ELOC: variants seen among roughly 807,000 people sequenced by gnomAD.
The protein encoded by ELOC is elongin C.
For missense variants in ELOC, 38 were observed against 139.0 expected (o/e 0.27, Z 3.65); for synonymous variants, 40 against 51.3 (o/e 0.78, Z 0.94).
At position 73,956,058 on chromosome 8, in the gene ELOC, A is replaced by G; in HGVS notation, c.5-4T>C. ...CCATAGGTTTTCTCCTCTCCATCTAAAGTAAAGTAAGTAGTGAAACAATTT... is the reference window on the plus strand; with the variant it reads ...CCATAGGTTTTCTCCTCTCCATCTAGAGTAAAGTAAGTAGTGAAACAATTT... On this transcript the variant is annotated splice_polypyrimidine_tract_variant and splice_region_variant and intron_variant, in intron 2 of 3. Transcript: ENST00000520242. 6.2e-7 allele frequency: 1 copy of G among 1,608,920 alleles called. No homozygotes were observed. The highest frequency in any genetic ancestry group is 8.5e-7 in the Non-Finnish European group (1 of 1,176,340).
chr8:73,949,838 CTCTT>C (rs1436368648), intron 3 of ELOC, among the ~76,000 whole-genome samples: 5 of 152,222 alleles, frequency 3.3e-5, no homozygotes, highest in South Asian at 2.1e-4. Context: ...AAAGCAAAAG[CTCTT>C]TGTTTCTAGC....
rs1407237828 is a variant in ELOC at position 73,946,094 on chromosome 8, TAC to T, written c.*534_*535del. 1 of 152,040 alleles carries T rather than the reference TAC, an allele frequency of 6.6e-6. No homozygotes were observed. Among genetic ancestry groups the T allele is most frequent in the African/African-American group, 2.4e-5 (1 of 41,294 alleles). The allele number at this position is 152,040 out of a possible 1,614,324, so 9.4% of individuals were successfully genotyped here. ...TGTAGCAATAAACAAAAGGACAAAG[TAC>T]ACTTAAAGAATACTGCAGTTTATCA... On this transcript the variant is annotated 3_prime_UTR_variant, in exon 4 of 4. Transcript: ENST00000520242.
intron 1 of ELOC, among the ~76,000 whole-genome samples, chr8:73,967,967 G>A (rs181943212): frequency 1.9e-3 from 283 of 152,276 alleles, no homozygotes; most frequent in African/African-American, 6.0e-3. Flanking sequence ...CAGATAAGCA[G>A]TAGAATCCCA....
At chr8:73,950,560 A>G (rs1813687261) in intron 3 of ELOC, among the ~76,000 whole-genome samples, 2 of 152,178 alleles carry the variant, frequency 1.3e-5, no homozygotes. Flanking sequence ...TTGTAATCTC[A>G]AAGTAAATCT....
intron 1 of ELOC, among the ~76,000 whole-genome samples, chr8:73,961,203 T>A (rs1814568312): frequency 6.6e-6 from 1 of 152,188 alleles, no homozygotes; most frequent in Non-Finnish European, 1.5e-5. Flanking sequence ...ATTCAGGGGA[T>A]CTCATTTATA....
At chr8:73,957,105 G>A (rs1197271123) in intron 2 of ELOC, among the ~76,000 whole-genome samples, 3 of 151,828 alleles carry the variant, frequency 2.0e-5, no homozygotes, top group South Asian at 2.1e-4. Flanking sequence ...CACAGGAGGC[G>A]GAGCTTGCAG....
chr8:73,947,467 AG>A (rs1477399792), intron 3 of ELOC, among the ~76,000 whole-genome samples: 1 of 152,210 alleles, frequency 6.6e-6, no homozygotes, highest in Non-Finnish European at 1.5e-5. Flanking sequence ...CAAGCCATCT[AG>A]GGGTGGTACT....
rs1813766225 is a variant in ELOC, at chr8:73,951,647, C to CAACA, written c.148+4263_148+4264insTGTT. 4.9e-4 allele frequency among the ~76,000 whole-genome samples: 73 copies of CAACA among 149,918 alleles called. 1 individual carries two copies. Among genetic ancestry groups the CAACA allele is most frequent in the African/African-American group, 1.4e-3 (55 of 40,708 alleles). ...TCAAAAACAAACAAACAAAAAACCCCACAACAACAACAACAACAACAACAA... is the reference window on the plus strand; with the variant it reads ...TCAAAAACAAACAAACAAAAAACCCCAACAACAACAACAACAACAACAACAACAA... On this transcript the variant is annotated intron_variant, in intron 3 of 3. Transcript: ENST00000520242.
chr8:73,971,200 G>C (rs1301845875), intron 1 of ELOC, among the ~76,000 whole-genome samples: 4 of 152,156 alleles, frequency 2.6e-5, no homozygotes, highest in Non-Finnish European at 5.9e-5. Flanking sequence ...GAGGTCAGGA[G>C]TTCCAGACCA....
At chr8:73,956,088 G>C in intron 2 of ELOC, 34 bp from the exon 3 acceptor site, 1 of 1,598,020 alleles carries the variant, frequency 6.3e-7, no homozygotes, top group Non-Finnish European at 8.6e-7. Context: ...CAATTTTTGA[G>C]TCACACAGTG....
chr8:73,963,849 T>A (rs1043740750), intron 1 of ELOC, among the ~76,000 whole-genome samples: 1 of 152,156 alleles, frequency 6.6e-6, no homozygotes, highest in Non-Finnish European at 1.5e-5. Flanking sequence ...TCCCAGCACT[T>A]TGGGAGGCCG....
intron 1 of ELOC, among the ~76,000 whole-genome samples, chr8:73,964,023 G>A (rs1198023674): frequency 6.7e-6 from 1 of 149,528 alleles, no homozygotes; most frequent in Non-Finnish European, 1.5e-5. Flanking sequence ...AACCCAGGAG[G>A]CGGAGGTTGC....
chr8:73,955,810 G>C, intron 3 of ELOC, 101 bp downstream of exon 3: 1 of 1,257,800 alleles, frequency 8.0e-7, no homozygotes, highest in Non-Finnish European at 1.1e-6. Flanking sequence ...AATGTTAGAA[G>C]ACTTATTTTC....
intron 1 of ELOC, among the ~76,000 whole-genome samples, chr8:73,965,011 G>GT (rs1211437327): frequency 8.7e-6 from 1 of 114,736 alleles, no homozygotes; most frequent in Non-Finnish European, 1.7e-5. Flanking sequence ...CTGAGCAAGA[G>GT]TAAGACACTG....
At chr8:73,967,477 T>TC (rs1815072349) in intron 1 of ELOC, among the ~76,000 whole-genome samples, 1 of 151,040 alleles carries the variant, frequency 6.6e-6, no homozygotes. Context: ...TCTTTTTTTT[T>TC]TTTTTTTGAG....
chr8:73,946,835 A>C lies in ELOC; in HGVS notation c.149-15T>G. 6.2e-7 allele frequency: 1 copy of C among 1,602,734 alleles called. No homozygotes were observed. The highest frequency in any genetic ancestry group is 8.5e-7 in the Non-Finnish European group (1 of 1,172,290). On this transcript the variant is annotated splice_polypyrimidine_tract_variant and intron_variant, in intron 3 of 3. Coordinates refer to ENST00000520242, the MANE Select transcript of ELOC (RefSeq NM_005648.4). The stretch of plus-strand genomic sequence containing the variant: ...AGCAAACTGACCTGTAAAACAAAAG[A>C]ATTATGTATGTTATTGGCTGAATTG...
chr8:73,956,836 TGGTTAAAAATAATGATCAA>T (rs2131119020), intron 2 of ELOC, among the ~76,000 whole-genome samples: 1 of 152,266 alleles, frequency 6.6e-6, no homozygotes, highest in East Asian at 1.9e-4. Context: ...TCACACTTGA[TGGTTAAAAATAATGATCAA>T]GTATGTATTT....
chr8:73,969,384 A>G (rs190736200), intron 1 of ELOC, among the ~76,000 whole-genome samples: 1 of 152,266 alleles, frequency 6.6e-6, no homozygotes, highest in East Asian at 1.9e-4. Context: ...TCCAAATCAG[A>G]CTACTACTCA....
intron 3 of ELOC, among the ~76,000 whole-genome samples, chr8:73,947,302 G>A (rs987953266): frequency 5.9e-5 from 9 of 151,992 alleles, no homozygotes; most frequent in East Asian, 5.9e-4. Context: ...TGGTATTCTC[G>A]TAAGAGATCC....
Sources: allele counts gnomAD v4.1 joint callset (sites outside exome capture counted in the v4.1 genomes callset), GRCh38; gene constraint gnomAD v4.1.1; transcripts MANE v1.5; gene names NCBI Gene and HGNC (gene_info 2026-07-23, HGNC 2026-07-21).